The following CREB5 variants were observed in gnomAD, a reference collection of about 807,000 sequenced individuals.
The protein encoded by CREB5 is cAMP responsive element binding protein 5, also known as cyclic AMP-responsive element-binding protein 5.
A neutral mutation model predicts 57.1 loss-of-function variants in CREB5; 19 were observed. The observed-to-expected ratio is 0.33, with a 90% CI of 0.23 to 0.49. The LOEUF (loss-of-function observed/expected upper bound fraction) is 0.49. CREB5 is among the 20% of genes least tolerant of loss of function. The pLI, the probability that CREB5 is intolerant of heterozygous loss-of-function variation, is 0.99. For missense variants in CREB5, 579 were observed against 671.6 expected (o/e 0.86, Z 1.52); for synonymous variants, 238 against 238.3 (o/e 1.00, Z 0.01).
intron 4 of CREB5, among the ~76,000 whole-genome samples, chr7:28,531,793 G>A (rs1050396633): frequency 2.0e-5 from 3 of 152,168 alleles, no homozygotes; most frequent in Non-Finnish European, 2.9e-5. Context: ...CACTTAGGGA[G>A]GCTGAGGTGG....
intron 5 of CREB5, among the ~76,000 whole-genome samples, chr7:28,642,966 A>G (rs887361244): frequency 2.4e-5 from 2 of 84,484 alleles, no homozygotes; most frequent in African/African-American, 4.8e-5. Context: ...ACACACACAC[A>G]CACACACACA....
At chr7:28,602,550 T>C (rs1044620725) in intron 5 of CREB5, among the ~76,000 whole-genome samples, 1 of 152,222 alleles carries the variant, frequency 6.6e-6, no homozygotes, top group African/African-American at 2.4e-5. Flanking sequence ...AAACAATTGA[T>C]ATATATGATA....
chr7:28,578,229 T>C (rs1359470844), intron 5 of CREB5, among the ~76,000 whole-genome samples: 2 of 152,296 alleles, frequency 1.3e-5, no homozygotes, highest in East Asian at 1.9e-4. Flanking sequence ...CTGAAAAAAT[T>C]AGCTGTTCTT....
chr7:28,377,107 G>A (rs912299333), intron 1 of CREB5, among the ~76,000 whole-genome samples: 5 of 152,170 alleles, frequency 3.3e-5, no homozygotes, highest in Admixed American at 6.5e-5. Flanking sequence ...ACTCTACAAG[G>A]GGTCTTCTTT....
chr7:28,788,161 G>A (rs1481098102), intron 7 of CREB5, among the ~76,000 whole-genome samples: 1 of 152,040 alleles, frequency 6.6e-6, no homozygotes, highest in Non-Finnish European at 1.5e-5. Context: ...TTTGCTGTGG[G>A]GCGAGGGGGC....
chr7:28,400,320 C>A (rs1468210927), intron 1 of CREB5, among the ~76,000 whole-genome samples: 1 of 152,132 alleles, frequency 6.6e-6, no homozygotes, highest in Non-Finnish European at 1.5e-5. Context: ...GTAATCATAC[C>A]TTTCACCCAG....
rs1554279306 is a variant in CREB5, at chr7:28,642,979, C to CACACAT, written c.464+72447_464+72448insTACACA. On this transcript the variant is annotated intron_variant, in intron 5 of 10. Coordinates refer to ENST00000357727, the MANE Select transcript of CREB5 (RefSeq NM_182898.4). ...ACACACACACACACACACACACACA[C>CACACAT]ACACACATACACACACACACACACA... 6.2e-3 allele frequency among the ~76,000 whole-genome samples: 628 copies of CACACAT among 101,178 alleles called. 8 individuals carry two copies. Among genetic ancestry groups the CACACAT allele is most frequent in the African/African-American group, 0.021 (589 of 28,166 alleles). 66.4% of individuals were successfully genotyped at this position (101,178 alleles called of 152,430 possible). A position where few individuals can be genotyped will look rare whatever the true frequency, so the allele number is the denominator to read the frequency against.
rs1810002557 is a variant in CREB5, at chr7:28,825,352, G to C, written c.*6073G>C. 1 of 152,316 alleles carries C rather than the reference G, an allele frequency of 6.6e-6. No individual in the cohort carries two copies. The highest frequency in any genetic ancestry group is 1.5e-5 in the Non-Finnish European group (1 of 68,036). The allele number at this position is 152,316 out of a possible 1,614,324, so 9.4% of individuals were successfully genotyped here. A position where few individuals can be genotyped will look rare whatever the true frequency, so the allele number is the denominator to read the frequency against. ...CCTTTGAGAACTGTCTTGGAGAACAGATAAGCTTGAAATGTTCTCTCTAGA... is the reference window on the plus strand; with the variant it reads ...CCTTTGAGAACTGTCTTGGAGAACACATAAGCTTGAAATGTTCTCTCTAGA... On this transcript the variant is annotated 3_prime_UTR_variant, in exon 11 of 11. Coordinates refer to ENST00000357727, the MANE Select transcript of CREB5 (RefSeq NM_182898.4).
chr7:28,451,881 A>G (rs1022464344), intron 1 of CREB5, among the ~76,000 whole-genome samples: 6 of 152,150 alleles, frequency 3.9e-5, no homozygotes, highest in African/African-American at 1.4e-4. Flanking sequence ...TAAGCTCCAT[A>G]TGGTTTCCCA....
At chr7:28,517,550 A>T (rs1402872211) in intron 4 of CREB5, among the ~76,000 whole-genome samples, 1 of 152,202 alleles carries the variant, frequency 6.6e-6, no homozygotes, top group East Asian at 1.9e-4. Context: ...AAAGTTGATC[A>T]AACGGTGGAT....
chr7:28,491,549 A>G (rs1791810275), intron 2 of CREB5, among the ~76,000 whole-genome samples: 1 of 152,206 alleles, frequency 6.6e-6, no homozygotes, highest in Non-Finnish European at 1.5e-5. Context: ...AAGTTTCTTG[A>G]TTTTAAGGAA....
intron 5 of CREB5, among the ~76,000 whole-genome samples, chr7:28,713,689 GT>G (rs1165588097): frequency 6.6e-6 from 1 of 152,106 alleles, no homozygotes; most frequent in African/African-American, 2.4e-5. Context: ...AGAACATCTT[GT>G]TTTCAAGTCC....
chr7:28,479,299 T>G (rs1375859701), intron 1 of CREB5, among the ~76,000 whole-genome samples: 2 of 152,294 alleles, frequency 1.3e-5, no homozygotes, highest in East Asian at 3.9e-4. Flanking sequence ...ATATCCCATA[T>G]CCCAGGCCCC....
chr7:28,654,817 C>T (rs1414326191), intron 5 of CREB5, among the ~76,000 whole-genome samples: 2 of 152,120 alleles, frequency 1.3e-5, no homozygotes, highest in African/African-American at 4.8e-5. Flanking sequence ...TAAAGCCAGG[C>T]ATAGGAATGA....
At position 28,473,560 on chromosome 7, in the gene CREB5, C is replaced by T. The variant is rs569658978; in HGVS notation, c.4-14615C>T. Among the ~76,000 whole-genome samples, 8 of 152,320 alleles carry T rather than the reference C, an allele frequency of 5.3e-5. No homozygotes were observed. The South Asian group carries it at 1.7e-3, about 32-fold the overall frequency. On this transcript the variant is annotated intron_variant, in intron 1 of 10. Coordinates refer to ENST00000357727, the MANE Select transcript of CREB5 (RefSeq NM_182898.4). ...TGTTTTCTGCCCCATATCTGACACA[C>T]TGCCTGGCCCTGGTAGGTCCTCGGG...
intron 1 of CREB5, among the ~76,000 whole-genome samples, chr7:28,358,603 T>A (rs1013205708): frequency 1.3e-5 from 2 of 152,214 alleles, no homozygotes; most frequent in African/African-American, 2.4e-5. Context: ...GTCACGAACA[T>A]CCCAGCTGTC....
intron 5 of CREB5, among the ~76,000 whole-genome samples, chr7:28,638,559 T>C (rs79073424): frequency 6.6e-6 from 1 of 151,954 alleles, no homozygotes; most frequent in Non-Finnish European, 1.5e-5. Flanking sequence ...TTTGCCCAGG[T>C]TGATCTTGAA....
chr7:28,558,095 G>A (rs1352579920), intron 4 of CREB5, among the ~76,000 whole-genome samples: 3 of 152,180 alleles, frequency 2.0e-5, no homozygotes, highest in African/African-American at 7.2e-5. Context: ...AACAAATGCT[G>A]TTTTGTTTGC....
chr7:28,767,886 G>A (rs554711440), intron 7 of CREB5, among the ~76,000 whole-genome samples: 2 of 151,982 alleles, frequency 1.3e-5, no homozygotes, highest in South Asian at 2.1e-4. Flanking sequence ...TCTGCACAAG[G>A]GATTTTTGCA....
Sources: gnomAD v4.1 joint callset for allele counts (sites outside exome capture counted in the v4.1 genomes callset) on GRCh38, gnomAD v4.1.1 for gene constraint, MANE v1.5 for transcripts, NCBI Gene and HGNC (gene_info 2026-07-23, HGNC 2026-07-21) for gene names.